Variants in NUAK1 observed in about 807,000 individuals in gnomAD.
The protein encoded by NUAK1 is NUAK family SNF1-like kinase 1.
Under a neutral mutation model 56.9 loss-of-function variants are expected in NUAK1, and 26 were observed. The ratio of observed to expected loss-of-function variants is 0.46; its 90% CI spans 0.33 to 0.63. The LOEUF is 0.63. NUAK1 is among the 30% of genes least tolerant of loss of function. The pLI is 0.02. For missense variants in NUAK1, 727 were observed against 876.1 expected, an observed-to-expected ratio of 0.83 and a Z score of 2.15; for synonymous variants, 337 against 336.0, an observed-to-expected ratio of 1.00 and a Z score of -0.03.
At chr12:106,130,175 T>A (rs190755568) in intron 1 of NUAK1, among the ~76,000 whole-genome samples, 1 of 151,978 alleles carries the variant, frequency 6.6e-6, no homozygotes, top group Non-Finnish European at 1.5e-5. Flanking sequence ...AGAGACGGGG[T>A]TTCACCATGT....
intron 1 of NUAK1, among the ~76,000 whole-genome samples, chr12:106,115,267 T>C (rs1213945440): frequency 2.0e-5 from 3 of 152,220 alleles, no homozygotes; most frequent in Non-Finnish European, 4.4e-5. Flanking sequence ...TTTCTTAATA[T>C]GGTAAAATAC....
At chr12:106,120,519 C>T (rs895406982) in intron 1 of NUAK1, among the ~76,000 whole-genome samples, 1 of 151,542 alleles carries the variant, frequency 6.6e-6, no homozygotes. Flanking sequence ...ATGTCGGGGG[C>T]AAAGTGAGAA....
rs532804693 is a variant in NUAK1, at chr12:106,075,126, G to A, written c.580-2283C>T. Among the ~76,000 whole-genome samples, 32 of 152,190 alleles carry A rather than the reference G, an allele frequency of 2.1e-4. 1 individual carries two copies. Among genetic ancestry groups the A allele is most frequent in the Middle Eastern group, 3.4e-3 (1 of 294 alleles). On this transcript the variant is annotated intron_variant, in intron 4 of 6. Coordinates refer to ENST00000261402, the MANE Select transcript of NUAK1 (RefSeq NM_014840.3). ...GGGCAGCCTCATTTGCTCTGTAGCC[G>A]TTCTGGAGAAGTGTGTTTATGTTAT...
Position 106,083,859 on chromosome 12 carries a change from T to C in NUAK1, c.579+5A>G, listed in dbSNP as rs772790768. The C allele has an allele frequency of 3.7e-6, 6 of 1,613,816 alleles. No individual in the cohort carries two copies. The highest frequency in any genetic ancestry group is 1.7e-5 in the Admixed American group (1 of 60,014). ...GCATATCAATCGACGACGCAAGGGCTTTACCTTAATATTGCAGTTGTCATC... is the reference window on the plus strand; with the variant it reads ...GCATATCAATCGACGACGCAAGGGCCTTACCTTAATATTGCAGTTGTCATC... On this transcript the variant is annotated splice_donor_5th_base_variant and intron_variant, in intron 4 of 6. Transcript: ENST00000261402.
intron 1 of NUAK1, among the ~76,000 whole-genome samples, chr12:106,117,269 G>A (rs2032927459): frequency 6.6e-6 from 1 of 152,204 alleles, no homozygotes; most frequent in Admixed American, 6.6e-5. Context: ...CCAGCAAAGT[G>A]TTCTTTTGGG....
chr12:106,078,518 G>A (rs559277302), intron 4 of NUAK1, among the ~76,000 whole-genome samples: 10 of 152,206 alleles, frequency 6.6e-5, no homozygotes, highest in African/African-American at 1.7e-4. Context: ...GTAACTCTTC[G>A]GGAAGACAGC....
At chr12:106,119,493 A>G (rs77527293) in intron 1 of NUAK1, among the ~76,000 whole-genome samples, 4,237 of 152,260 alleles carry the variant, frequency 0.028, 195 homozygotes, top group African/African-American at 0.097. Flanking sequence ...ATCGTCACCC[A>G]TAGTTTTCCT....
At chr12:106,100,310 T>G (rs117478317) in intron 2 of NUAK1, among the ~76,000 whole-genome samples, 2,511 of 152,066 alleles carry the variant, frequency 0.017, 40 homozygotes, top group South Asian at 0.023. Context: ...CTTCTCCTAC[T>G]ACCCTTCTCC....
intron 1 of NUAK1, among the ~76,000 whole-genome samples, chr12:106,108,160 G>A (rs952350482): frequency 6.6e-5 from 10 of 152,066 alleles, no homozygotes; most frequent in African/African-American, 2.2e-4. Flanking sequence ...CAGAGAGGTG[G>A]TAGCAGAACT....
At chr12:106,136,828 CT>C (rs1291925737) in intron 1 of NUAK1, among the ~76,000 whole-genome samples, 1 of 152,166 alleles carries the variant, frequency 6.6e-6, no homozygotes, top group African/African-American at 2.4e-5. Flanking sequence ...GGAATATCAC[CT>C]CAGAAGAAAA....
At chr12:106,073,327 C>T (rs34383094) in intron 4 of NUAK1, among the ~76,000 whole-genome samples, 18,760 of 152,106 alleles carry the variant, frequency 0.12, 1,753 homozygotes, top group East Asian at 0.5. Flanking sequence ...GGTGATACCA[C>T]CTCTGTATCC....
At chr12:106,121,113 T>C (rs2032969420) in intron 1 of NUAK1, among the ~76,000 whole-genome samples, 1 of 152,194 alleles carries the variant, frequency 6.6e-6, no homozygotes, top group Non-Finnish European at 1.5e-5. Flanking sequence ...ACTAGCCACA[T>C]AGCGGAAAGA....
At chr12:106,076,311 C>T (rs2032464455) in intron 4 of NUAK1, among the ~76,000 whole-genome samples, 1 of 152,192 alleles carries the variant, frequency 6.6e-6, no homozygotes, top group Non-Finnish European at 1.5e-5. Flanking sequence ...CATGGGTCTT[C>T]CCAAGCCGTA....
intron 2 of NUAK1, 78 bp downstream of exon 2, chr12:106,106,327 A>G: frequency 7.4e-7 from 1 of 1,345,394 alleles, no homozygotes; most frequent in East Asian, 2.4e-5. Flanking sequence ...AAGGGCAATT[A>G]TCTCAAAGTC....
At chr12:106,112,430 C>T (rs1231584514) in intron 1 of NUAK1, among the ~76,000 whole-genome samples, 2 of 151,848 alleles carry the variant, frequency 1.3e-5, no homozygotes, top group African/African-American at 4.8e-5. Flanking sequence ...GGCACAGCCC[C>T]ACCGAGGCCA....
At chr12:106,128,719 GAA>G (rs1416214434) in intron 1 of NUAK1, among the ~76,000 whole-genome samples, 1 of 152,126 alleles carries the variant, frequency 6.6e-6, no homozygotes, top group African/African-American at 2.4e-5. Flanking sequence ...CCAAACAGAC[GAA>G]AGTTGAGCCC....
Position 106,064,087 on chromosome 12 carries a change from G to GA in NUAK1, c.*2714dup, listed in dbSNP as rs2032308617. On this transcript the variant is annotated 3_prime_UTR_variant, in exon 7 of 7. Coordinates refer to ENST00000261402, the MANE Select transcript of NUAK1 (RefSeq NM_014840.3). ...GGAGAGGACCAGGAAAGCTGACAGT[G>GA]AATCTCCTGCTTTGTCCATCAGGTC... is the stretch of plus-strand genomic sequence containing the variant. 6.6e-6 allele frequency: 1 copy of GA among 152,670 alleles called. No individual in the cohort carries two copies. The highest frequency in any genetic ancestry group is 6.5e-5 in the Admixed American group (1 of 15,278). 9.5% of individuals were successfully genotyped at this position (152,670 alleles called of 1,614,324 possible).
At chr12:106,085,694 C>T (rs893671364) in intron 3 of NUAK1, among the ~76,000 whole-genome samples, 2 of 151,994 alleles carry the variant, frequency 1.3e-5, no homozygotes, top group Non-Finnish European at 2.9e-5. Flanking sequence ...TCTACTGTGG[C>T]TATATTATTA....
intron 1 of NUAK1, among the ~76,000 whole-genome samples, chr12:106,136,184 A>G (rs756089796): frequency 2.6e-5 from 4 of 152,162 alleles, no homozygotes; most frequent in Non-Finnish European, 5.9e-5. Flanking sequence ...CATTTTAGAG[A>G]CTGTCAGTTT....
Sources: gnomAD v4.1 joint callset for allele counts (sites outside exome capture counted in the v4.1 genomes callset) on GRCh38, gnomAD v4.1.1 for gene constraint, MANE v1.5 for transcripts, NCBI Gene and HGNC (gene_info 2026-07-23, HGNC 2026-07-21) for gene names.